Variants in ATP8A2 observed in about 807,000 individuals in gnomAD.
The protein encoded by ATP8A2 is phospholipid-transporting ATPase IB.
Under a neutral mutation model 165.6 loss-of-function variants are expected in ATP8A2, and 100 were observed. The observed-to-expected ratio is 0.60, with a 90% CI of 0.51 to 0.71. ATP8A2 has a LOEUF of 0.71. Among genes scored for constraint, ATP8A2 ranks in the 30% least tolerant of loss-of-function variants. The pLI is 0.00. For synonymous variants in ATP8A2, 543 were observed against 548.8 expected, an observed-to-expected ratio of 0.99 and a Z score of 0.15; for missense variants, 1,227 against 1,479.5, an observed-to-expected ratio of 0.83 and a Z score of 2.80.
At chr13:25,676,237 C>G (rs1377715318) in intron 24 of ATP8A2, among the ~76,000 whole-genome samples, 2 of 152,126 alleles carry the variant, frequency 1.3e-5, no homozygotes, top group Non-Finnish European at 2.9e-5. Context: ...GCATAGATGT[C>G]TTTAAAATGC....
intron 1 of ATP8A2, among the ~76,000 whole-genome samples, chr13:25,409,044 T>G (rs1566111404): frequency 6.6e-6 from 1 of 152,258 alleles, no homozygotes; most frequent in Non-Finnish European, 1.5e-5. Flanking sequence ...TCTTTCTTAT[T>G]TTTCTGTACT....
At chr13:25,589,107 T>A (rs1443309986) in intron 23 of ATP8A2, among the ~76,000 whole-genome samples, 3 of 148,342 alleles carry the variant, frequency 2.0e-5, no homozygotes, top group African/African-American at 2.5e-5. Context: ...AATAAGCCTT[T>A]AAAAAAAAAA....
intron 25 of ATP8A2, among the ~76,000 whole-genome samples, chr13:25,755,303 A>G (rs1347330877): frequency 6.6e-6 from 1 of 152,174 alleles, no homozygotes; most frequent in African/African-American, 2.4e-5. Context: ...AAGCTACAGA[A>G]AGGGAGGCAT....
At chr13:25,668,956 A>C (rs571538904) in intron 24 of ATP8A2, among the ~76,000 whole-genome samples, 1 of 151,774 alleles carries the variant, frequency 6.6e-6, no homozygotes, top group African/African-American at 2.4e-5. Flanking sequence ...TATTTCCTCT[A>C]CTTTTTTTGT....
chr13:25,930,691 C>A (rs1221786106), intron 33 of ATP8A2, among the ~76,000 whole-genome samples: 1 of 152,060 alleles, frequency 6.6e-6, no homozygotes, highest in Admixed American at 6.5e-5. Flanking sequence ...CATTGTGTGC[C>A]CAGCAAGTGG....
At chr13:25,485,227 T>C (rs2036314634) in intron 2 of ATP8A2, among the ~76,000 whole-genome samples, 1 of 152,242 alleles carries the variant, frequency 6.6e-6, no homozygotes, top group Admixed American at 6.5e-5. Flanking sequence ...CAACAAAGTT[T>C]TGTTCACTGT....
intron 1 of ATP8A2, among the ~76,000 whole-genome samples, chr13:25,425,853 G>A (rs2034436481): frequency 6.6e-6 from 1 of 152,202 alleles, no homozygotes; most frequent in South Asian, 2.1e-4. Flanking sequence ...TGGGATTACA[G>A]GCGTGAGCCA....
At chr13:25,657,605 A>G (rs1242043889) in intron 24 of ATP8A2, among the ~76,000 whole-genome samples, 2 of 152,230 alleles carry the variant, frequency 1.3e-5, no homozygotes, top group Non-Finnish European at 2.9e-5. Context: ...CTTGGATTAG[A>G]TGCTGGCTGC....
At chr13:26,018,462 C>T (rs938894194) in intron 36 of ATP8A2, among the ~76,000 whole-genome samples, 1 of 152,200 alleles carries the variant, frequency 6.6e-6, no homozygotes, top group Admixed American at 6.5e-5. Flanking sequence ...TTCTTTTCTC[C>T]TTTTAAAGAG....
chr13:25,915,503 T>C (rs1303663008), intron 33 of ATP8A2, among the ~76,000 whole-genome samples: 1 of 152,212 alleles, frequency 6.6e-6, no homozygotes, highest in Non-Finnish European at 1.5e-5. Flanking sequence ...GCTGGAGCCC[T>C]AGTGGGCCAG....
chr13:25,976,843 C>T (rs1400272956), intron 35 of ATP8A2, among the ~76,000 whole-genome samples: 1 of 152,118 alleles, frequency 6.6e-6, no homozygotes, highest in East Asian at 1.9e-4. Context: ...GGCTGGAGTG[C>T]AGTGGTGCGA....
At chr13:25,777,492 TTAAG>T (rs1190130899) in intron 27 of ATP8A2, among the ~76,000 whole-genome samples, 8 of 152,246 alleles carry the variant, frequency 5.3e-5, no homozygotes, top group Admixed American at 2.0e-4. Context: ...AATTAATTAC[TTAAG>T]TAAGAATAAA....
chr13:25,984,201 C>T lies in ATP8A2; in HGVS notation c.3377+15522C>T, dbSNP rs568604283. 7.9e-5 allele frequency among the ~76,000 whole-genome samples: 12 copies of T among 151,610 alleles called. No homozygotes were observed. The South Asian group carries it at 2.3e-3, about 29-fold the overall frequency. On this transcript the variant is annotated intron_variant, in intron 35 of 36. Coordinates refer to ENST00000381655, the MANE Select transcript of ATP8A2 (RefSeq NM_016529.6). Reference sequence around the variant, plus strand: ...GCAGTGAGCTGTGATCGCACCACTGCACTCCAGCCTGGGTGACAGAGCAAG... The same window carrying T: ...GCAGTGAGCTGTGATCGCACCACTGTACTCCAGCCTGGGTGACAGAGCAAG...
chr13:25,661,301 G>C (rs1181321502), intron 24 of ATP8A2, among the ~76,000 whole-genome samples: 1 of 152,140 alleles, frequency 6.6e-6, no homozygotes, highest in Non-Finnish European at 1.5e-5. Flanking sequence ...CCAAGTCTAG[G>C]TGTGTACATT....
chr13:25,712,342 C>T (rs990546568), intron 25 of ATP8A2, among the ~76,000 whole-genome samples: 4 of 149,984 alleles, frequency 2.7e-5, no homozygotes, highest in Admixed American at 1.3e-4. Context: ...TGGCTTATGT[C>T]AGTTAGTGCT....
At chr13:25,720,512 G>A (rs548758972) in intron 25 of ATP8A2, among the ~76,000 whole-genome samples, 1 of 152,206 alleles carries the variant, frequency 6.6e-6, no homozygotes, top group East Asian at 1.9e-4. Flanking sequence ...TTCAGAGTTG[G>A]CAAAGAAAAT....
chr13:25,959,551 A>T (rs1955608213), intron 33 of ATP8A2, among the ~76,000 whole-genome samples: 1 of 152,212 alleles, frequency 6.6e-6, no homozygotes, highest in South Asian at 2.1e-4. Flanking sequence ...GGTGTACCTC[A>T]TCTAGGGGTG....
chr13:25,553,540 C>T (rs1201795931), intron 11 of ATP8A2, among the ~76,000 whole-genome samples: 1 of 152,342 alleles, frequency 6.6e-6, no homozygotes, highest in African/African-American at 2.4e-5. Flanking sequence ...GGATGGCCTT[C>T]AGTGACCATG....
chr13:25,693,617 T>G (rs2042773884), intron 24 of ATP8A2, among the ~76,000 whole-genome samples: 1 of 152,168 alleles, frequency 6.6e-6, no homozygotes, highest in African/African-American at 2.4e-5. Context: ...AGTGTACCAG[T>G]AAGGCTGAAT....
Sources: gnomAD v4.1 joint callset for allele counts (sites outside exome capture counted in the v4.1 genomes callset) on GRCh38, gnomAD v4.1.1 for gene constraint, MANE v1.5 for transcripts, NCBI Gene and HGNC (gene_info 2026-07-23, HGNC 2026-07-21) for gene names.